RBFOX1: variants seen among roughly 807,000 people sequenced by gnomAD.
RBFOX1 encodes RNA binding protein fox-1 homolog 1.
Under a neutral mutation model 57.7 loss-of-function variants are expected in RBFOX1, and 8 were observed. That is an observed-to-expected ratio of 0.14 (90% CI 0.08 to 0.25). RBFOX1 has a LOEUF of 0.25. Among genes scored for constraint, RBFOX1 ranks in the 10% least tolerant of loss-of-function variants. The pLI, the probability that RBFOX1 is intolerant of heterozygous loss-of-function variation, is 1.00. For missense variants in RBFOX1, 611 were observed against 548.5 expected (o/e 1.11, Z -1.14); for synonymous variants, 326 against 222.4 (o/e 1.47, Z -4.15).
Position 6,097,554 on chromosome 16 carries a change from A to T in RBFOX1, c.-127+77562A>T, listed in dbSNP as rs951151180. Among the ~76,000 whole-genome samples the T allele has an allele frequency of 2.0e-5, 3 of 152,216 alleles. No homozygotes were observed. The highest frequency in any genetic ancestry group is 6.5e-5 in the Admixed American group (1 of 15,280). ...GAGTGCTTCTTCTGAATGTTAAAGT[A>T]TAAGAACCTCTGCTGCACAGGGAGA... On this transcript the variant is annotated intron_variant, in intron 1 of 15. Transcript: ENST00000550418. The surrounding 1 kb of genome is among the most constrained non-coding windows in gnomAD (Gnocchi z 5.0).
chr16:6,521,502 TC>T (rs979097540), intron 2 of RBFOX1, among the ~76,000 whole-genome samples: 2 of 142,906 alleles, frequency 1.4e-5, no homozygotes, highest in African/African-American at 5.2e-5. Context: ...TCCCGTTTTA[TC>T]CCCTCCCCTT....
chr16:5,370,850 C>T (rs1289459783), intron 1 of RBFOX1, among the ~76,000 whole-genome samples: 1 of 152,170 alleles, frequency 6.6e-6, no homozygotes, highest in Non-Finnish European at 1.5e-5. Flanking sequence ...CAATTTTTAG[C>T]AGGCACATGA....
chr16:7,707,855 C>G (rs924806883), intron 14 of RBFOX1, among the ~76,000 whole-genome samples: 2 of 152,176 alleles, frequency 1.3e-5, no homozygotes, highest in Admixed American at 1.3e-4. Context: ...CCCCTCTCTT[C>G]CTCTTGAGGA....
intron 4 of RBFOX1, among the ~76,000 whole-genome samples, chr16:7,217,006 CCCTT>C (rs1567748176): frequency 1.7e-5 from 1 of 57,280 alleles, no homozygotes; most frequent in South Asian, 1.2e-3. Flanking sequence ...CTCCCTCCCT[CCCTT>C]CCCTCCCTCC....
chr16:7,349,271 A>G (rs572493073), intron 4 of RBFOX1, among the ~76,000 whole-genome samples: 9 of 152,312 alleles, frequency 5.9e-5, no homozygotes, highest in East Asian at 1.9e-4. Context: ...GAGACCAACC[A>G]GACTTGCCTT....
intron 3 of RBFOX1, among the ~76,000 whole-genome samples, chr16:7,026,271 C>T (rs993085429): frequency 1.3e-5 from 2 of 152,146 alleles, no homozygotes; most frequent in Admixed American, 6.5e-5. Context: ...CTGCTCCTGA[C>T]TTGGAGGCGT....
chr16:6,545,641 A>G (rs771580583), intron 2 of RBFOX1, among the ~76,000 whole-genome samples: 1 of 152,172 alleles, frequency 6.6e-6, no homozygotes, highest in Non-Finnish European at 1.5e-5. Context: ...AGATTTATTG[A>G]TGTGGTGCTT....
At chr16:7,284,840 T>G (rs953923607) in intron 4 of RBFOX1, among the ~76,000 whole-genome samples, 3 of 152,142 alleles carry the variant, frequency 2.0e-5, no homozygotes, top group African/African-American at 7.2e-5. Context: ...AGATGGCCCC[T>G]CATCTTTTGG....
chr16:7,044,271 A>C (rs1033651910), intron 3 of RBFOX1, among the ~76,000 whole-genome samples: 2 of 152,194 alleles, frequency 1.3e-5, no homozygotes. Flanking sequence ...TCATCTCTAG[A>C]AAAGGAAAGC....
At chr16:6,483,138 G>GC in intron 2 of RBFOX1, 1 of 1,056,406 alleles carries the variant, frequency 9.5e-7, no homozygotes, top group Non-Finnish European at 1.1e-6. Flanking sequence ...TCCCCCAGCT[G>GC]CAAGAGTTTG....
intron 3 of RBFOX1, among the ~76,000 whole-genome samples, chr16:6,928,081 G>C (rs1394517956): frequency 1.3e-5 from 2 of 152,106 alleles, no homozygotes; most frequent in Non-Finnish European, 2.9e-5. Flanking sequence ...ACTGGGAGCT[G>C]CTTCTTTACT....
intron 2 of RBFOX1, among the ~76,000 whole-genome samples, chr16:6,565,465 G>A (rs1378691712): frequency 6.6e-6 from 1 of 151,020 alleles, no homozygotes; most frequent in Non-Finnish European, 1.5e-5. Flanking sequence ...CACCATGTTA[G>A]CCAGGATGGT....
chr16:6,084,774 T>C (rs2096061347), intron 1 of RBFOX1, among the ~76,000 whole-genome samples: 1 of 125,652 alleles, frequency 8.0e-6, no homozygotes, highest in African/African-American at 2.5e-5. Flanking sequence ...GCTTGCTTGT[T>C]CTTATGTTTT....
At chr16:6,074,471 G>T (rs2095872865) in intron 1 of RBFOX1, among the ~76,000 whole-genome samples, 2 of 152,140 alleles carry the variant, frequency 1.3e-5, no homozygotes, top group South Asian at 4.1e-4. Context: ...TCTACCACAT[G>T]CATTAATTTC....
At chr16:6,112,638 C>T (rs2096458821) in intron 1 of RBFOX1, among the ~76,000 whole-genome samples, 1 of 152,164 alleles carries the variant, frequency 6.6e-6, no homozygotes, top group Non-Finnish European at 1.5e-5. Context: ...TTGCGGTGAG[C>T]TGAGATCGTG....
intron 2 of RBFOX1, among the ~76,000 whole-genome samples, chr16:6,367,144 A>T (rs1330314665): frequency 6.6e-6 from 1 of 152,238 alleles, no homozygotes; most frequent in African/African-American, 2.4e-5. Context: ...CAAAATGAAT[A>T]AAGTGAGAGC....
intron 1 of RBFOX1, among the ~76,000 whole-genome samples, chr16:5,387,611 G>A (rs1330725750): frequency 3.9e-5 from 6 of 152,184 alleles, no homozygotes; most frequent in Admixed American, 6.5e-5. Context: ...TAATCTCACG[G>A]CCACACCTAT....
chr16:6,335,805 A>T (rs1408457025), intron 2 of RBFOX1, among the ~76,000 whole-genome samples: 58 of 150,630 alleles, frequency 3.9e-4, no homozygotes, highest in Admixed American at 3.8e-3. Flanking sequence ...AAAAAAAGAA[A>T]AGAAAAGAAA....
At chr16:7,545,489 T>C (rs976721069) in intron 5 of RBFOX1, among the ~76,000 whole-genome samples, 2 of 152,038 alleles carry the variant, frequency 1.3e-5, no homozygotes, top group Non-Finnish European at 2.9e-5. Context: ...CCCCCGACCT[T>C]CCCTGCAGCC....
Sources: gnomAD v4.1 joint callset for allele counts (sites outside exome capture counted in the v4.1 genomes callset) on GRCh38, gnomAD v4.1.1 for gene constraint, Gnocchi (gnomAD v3.1) non-coding constraint, MANE v1.5 for transcripts, NCBI Gene and HGNC (gene_info 2026-07-23, HGNC 2026-07-21) for gene names.